ARMH4: variants seen among roughly 807,000 people sequenced by gnomAD.
The protein encoded by ARMH4 is armadillo like helical domain containing 4, also known as armadillo-like helical domain-containing protein 4.
A neutral mutation model predicts 61.9 loss-of-function variants in ARMH4; 49 were observed. That is an observed-to-expected ratio of 0.79 (90% confidence interval 0.63 to 1.00). ARMH4 has a LOEUF of 1.00. Among genes scored for constraint, ARMH4 ranks in the 50% least tolerant of loss-of-function variants. The pLI is 0.00. For missense variants in ARMH4, 934 were observed against 930.0 expected (o/e 1.00, Z -0.06); for synonymous variants, 368 against 341.5 (o/e 1.08, Z -0.85).
intron 4 of ARMH4, among the ~76,000 whole-genome samples, chr14:58,115,956 T>C (rs1886503644): frequency 6.6e-6 from 1 of 152,062 alleles, no homozygotes. Flanking sequence ...AACTATCTAG[T>C]ACTACGCTCA....
chr14:58,050,180 T>TGC (rs1884089728), intron 5 of ARMH4, among the ~76,000 whole-genome samples: 1 of 152,224 alleles, frequency 6.6e-6, no homozygotes, highest in South Asian at 2.1e-4. Flanking sequence ...TTTACCTCTG[T>TGC]GCGTTGCTCT....
intron 5 of ARMH4, among the ~76,000 whole-genome samples, chr14:58,032,692 C>T (rs533276581): frequency 2.0e-4 from 30 of 151,768 alleles, no homozygotes; most frequent in Admixed American, 1.4e-3. Context: ...CCAGTGTGTG[C>T]GCGCACCGTG....
chr14:58,046,039 C>G (rs1189232160), intron 5 of ARMH4, among the ~76,000 whole-genome samples: 1 of 152,174 alleles, frequency 6.6e-6, no homozygotes, highest in African/African-American at 2.4e-5. Context: ...TTACTTCCAG[C>G]CACCAGAACT....
chr14:58,095,994 C>G (rs1566577505), intron 5 of ARMH4, among the ~76,000 whole-genome samples: 1 of 152,146 alleles, frequency 6.6e-6, no homozygotes, highest in Admixed American at 6.5e-5. Context: ...AGCGTCTCCC[C>G]TGACAAGAGG....
At chr14:58,071,586 T>A (rs1041642908) in intron 5 of ARMH4, among the ~76,000 whole-genome samples, 4 of 152,130 alleles carry the variant, frequency 2.6e-5, no homozygotes, top group Non-Finnish European at 5.9e-5. Flanking sequence ...CTTTTTTTTT[T>A]AACTCAAACA....
chr14:58,018,513 T>C (rs1882698363), intron 5 of ARMH4, among the ~76,000 whole-genome samples: 1 of 147,914 alleles, frequency 6.8e-6, no homozygotes, highest in African/African-American at 2.5e-5. Flanking sequence ...ACATGAAAAA[T>C]GTTCAACATC....
chr14:58,059,427 C>T (rs577374079), intron 5 of ARMH4, among the ~76,000 whole-genome samples: 19 of 152,282 alleles, frequency 1.2e-4, no homozygotes, highest in Middle Eastern at 3.4e-3. Flanking sequence ...CAGAAGAGCC[C>T]GGCAAGGATG....
intron 4 of ARMH4, among the ~76,000 whole-genome samples, chr14:58,107,812 T>C (rs2141282016): frequency 6.7e-6 from 1 of 148,212 alleles, no homozygotes; most frequent in East Asian, 2.0e-4. Flanking sequence ...AGAAGAAGGA[T>C]GCCATGAAAA....
At chr14:58,106,798 A>G (rs1193318150) in intron 4 of ARMH4, among the ~76,000 whole-genome samples, 2 of 126,056 alleles carry the variant, frequency 1.6e-5, no homozygotes, top group African/African-American at 5.0e-5. Flanking sequence ...GTTACTTGGT[A>G]GGTGAAAAAA....
chr14:58,140,773 G>A (rs186721585), intron 1 of ARMH4, among the ~76,000 whole-genome samples: 6 of 151,408 alleles, frequency 4.0e-5, no homozygotes, highest in Admixed American at 1.3e-4. Flanking sequence ...TGTGGTGGCG[G>A]GCATCTGTAA....
intron 5 of ARMH4, among the ~76,000 whole-genome samples, chr14:58,055,229 T>C (rs150424086): frequency 1.3e-5 from 2 of 152,354 alleles, no homozygotes; most frequent in East Asian, 3.9e-4. Context: ...TGATTCTCTA[T>C]GGGGCCACAT....
chr14:58,005,967 C>T (rs1234143771), intron 6 of ARMH4, among the ~76,000 whole-genome samples: 2 of 152,204 alleles, frequency 1.3e-5, no homozygotes, highest in African/African-American at 4.8e-5. Flanking sequence ...ACAAAGATCA[C>T]TGCCAACAAC....
intron 5 of ARMH4, among the ~76,000 whole-genome samples, chr14:58,025,226 A>G (rs1466032910): frequency 1.3e-5 from 2 of 152,190 alleles, no homozygotes; most frequent in Non-Finnish European, 2.9e-5. Context: ...AAAATGGCCA[A>G]GTTCAAGGTA....
rs375997116 is a variant in ARMH4 at position 58,098,033 on chromosome 14, CAGA to C, written c.1832-1055_1832-1053del. 4.0e-3 allele frequency among the ~76,000 whole-genome samples: 608 copies of C among 152,288 alleles called. 5 individuals carry two copies. The highest frequency in any genetic ancestry group is 0.014 in the African/African-American group (570 of 41,552). On this transcript the variant is annotated intron_variant, in intron 4 of 7. Transcript: ENST00000267485. ...CCCTGGTAAGTGCCCACAAAGTTCA[CAGA>C]AGGCCTTCCCTTTGCTCTCTCCCCT... is the stretch of plus-strand genomic sequence containing the variant.
In ARMH4 at chr14:58,002,502, G is replaced by A. The variant is rs1269888981; in HGVS notation, c.*2234C>T. 6.6e-6 allele frequency: 1 copy of A among 152,182 alleles called. No individual in the cohort carries two copies. The highest frequency in any genetic ancestry group is 1.5e-5 in the Non-Finnish European group (1 of 68,026). The allele number at this position is 152,182 out of a possible 1,614,324, so 9.4% of individuals were successfully genotyped here. ...TTATTTGGGAATTTATTACACTACA[G>A]TTTGAAGATTCAACCTATTAGCCAT... On this transcript the variant is annotated 3_prime_UTR_variant, in exon 8 of 8. Coordinates refer to ENST00000267485, the MANE Select transcript of ARMH4 (RefSeq NM_001001872.4).
At chr14:58,144,557 GACA>G (rs933721301) in intron 1 of ARMH4, among the ~76,000 whole-genome samples, 5 of 151,792 alleles carry the variant, frequency 3.3e-5, no homozygotes, top group South Asian at 2.1e-4. Context: ...AAAACAAACA[GACA>G]ACAACAACAA....
intron 2 of ARMH4, 147 bp from the exon 3 acceptor site, chr14:58,133,488 G>T: frequency 1.4e-6 from 1 of 714,500 alleles, no homozygotes; most frequent in Non-Finnish European, 2.3e-6. Flanking sequence ...GAAGTAAAAT[G>T]ACAGTAAATA....
At chr14:58,100,345 A>G (rs561139330) in intron 4 of ARMH4, among the ~76,000 whole-genome samples, 14 of 152,226 alleles carry the variant, frequency 9.2e-5, no homozygotes, top group Non-Finnish European at 4.4e-5. Context: ...TCATATATCT[A>G]AAGTGAGACC....
intron 5 of ARMH4, among the ~76,000 whole-genome samples, chr14:58,054,235 G>A (rs903012977): frequency 2.0e-5 from 3 of 152,158 alleles, no homozygotes; most frequent in African/African-American, 7.2e-5. Flanking sequence ...GGGGAATGGA[G>A]CTAAGCAGGT....
Sources: gnomAD v4.1 joint callset for allele counts (sites outside exome capture counted in the v4.1 genomes callset) on GRCh38, gnomAD v4.1.1 for gene constraint, MANE v1.5 for transcripts, NCBI Gene and HGNC (gene_info 2026-07-23, HGNC 2026-07-21) for gene names.